The following MEI4 variants were observed in gnomAD, a reference collection of about 807,000 sequenced individuals.
The protein encoded by MEI4 is meiotic double-stranded break formation protein 4.
MEI4 carries 27 observed loss-of-function variants against 31.4 expected under a neutral mutation model. That is an observed-to-expected ratio of 0.86 (90% confidence interval 0.63 to 1.19). The LOEUF is 1.19. Among genes scored for constraint, MEI4 ranks in the 50% most tolerant of loss-of-function variants. The pLI, the probability that MEI4 is intolerant of heterozygous loss-of-function variation, is 0.00. For synonymous variants in MEI4, 122 were observed against 145.4 expected (o/e 0.84, Z 1.16); for missense variants, 329 against 398.9 (o/e 0.82, Z 1.49).
At chr6:77,685,526 TTGCTG>T in intron 1 of MEI4, among the ~76,000 whole-genome samples, 1 of 152,212 alleles carries the variant, frequency 6.6e-6, no homozygotes, top group East Asian at 1.9e-4. Flanking sequence ...ATTGTTTCCT[TTGCTG>T]TGCAGAAGCA....
intron 4 of MEI4, among the ~76,000 whole-genome samples, chr6:77,918,706 A>T (rs915911510): frequency 1.3e-5 from 2 of 151,904 alleles, no homozygotes; most frequent in Non-Finnish European, 2.9e-5. Context: ...CAATCATGTC[A>T]TCTGCAAACA....
At chr6:77,920,450 T>G (rs1365452246) in intron 4 of MEI4, among the ~76,000 whole-genome samples, 2 of 151,936 alleles carry the variant, frequency 1.3e-5, no homozygotes, top group African/African-American at 2.4e-5. Context: ...CTTGCTATTT[T>G]CACCGCATCT....
intron 3 of MEI4, among the ~76,000 whole-genome samples, chr6:77,786,564 TA>T (rs1389536304): frequency 1.3e-5 from 2 of 152,070 alleles, no homozygotes; most frequent in Non-Finnish European, 2.9e-5. Flanking sequence ...CTAGGAAATG[TA>T]ATAAGACGGG....
chr6:77,696,292 C>G (rs1042994392), intron 2 of MEI4, among the ~76,000 whole-genome samples: 6 of 152,190 alleles, frequency 3.9e-5, no homozygotes, highest in African/African-American at 1.2e-4. Context: ...ACAGAACTTC[C>G]AACACTATGT....
In MEI4 at chr6:77,925,054, C is replaced by A. The variant is rs1442449749; in HGVS notation, c.*1708C>A. 1 of 151,832 alleles carries A rather than the reference C, an allele frequency of 6.6e-6. No homozygotes were observed. Among genetic ancestry groups the A allele is most frequent in the African/African-American group, 2.4e-5 (1 of 41,378 alleles). The allele number at this position is 151,832 out of a possible 1,614,324, so 9.4% of individuals were successfully genotyped here. A position where few individuals can be genotyped will look rare whatever the true frequency, so the allele number is the denominator to read the frequency against. ...AGTTGATATAGCATTACACAAAATC[C>A]ACTTTCCATGACACCTTCATCTTCT... On this transcript the variant is annotated 3_prime_UTR_variant, in exon 5 of 5. Coordinates refer to ENST00000684080, the MANE Select transcript of MEI4 (RefSeq NM_001322247.2).
chr6:77,842,389 G>T (rs1373252373), intron 4 of MEI4, among the ~76,000 whole-genome samples: 1 of 152,062 alleles, frequency 6.6e-6, no homozygotes, highest in East Asian at 1.9e-4. Context: ...TTTATGAGAT[G>T]CATTTTGTAA....
chr6:77,753,233 A>C (rs1017440429), intron 2 of MEI4, among the ~76,000 whole-genome samples: 2 of 152,206 alleles, frequency 1.3e-5, no homozygotes, highest in Non-Finnish European at 2.9e-5. Flanking sequence ...AATGGCAACA[A>C]AAGCCAAAAT....
intron 2 of MEI4, among the ~76,000 whole-genome samples, chr6:77,710,781 G>A (rs1419769164): frequency 6.6e-6 from 1 of 151,892 alleles, no homozygotes; most frequent in Non-Finnish European, 1.5e-5. Context: ...GAATATCTAG[G>A]GTCTGGACTG....
At chr6:77,916,288 A>C (rs1444853009) in intron 4 of MEI4, among the ~76,000 whole-genome samples, 1 of 151,970 alleles carries the variant, frequency 6.6e-6, no homozygotes, top group African/African-American at 2.4e-5. Context: ...GTTGCTGGAG[A>C]ATTACTGTGT....
intron 2 of MEI4, among the ~76,000 whole-genome samples, chr6:77,700,544 G>A (rs539736940): frequency 3.9e-5 from 6 of 152,280 alleles, no homozygotes; most frequent in South Asian, 2.1e-4. Flanking sequence ...TGCGCTTCCC[G>A]AGTGAGGCAG....
In MEI4 at chr6:77,925,783, T is replaced by G. The variant is rs183860273; in HGVS notation, c.*2437T>G. ...AATAAATATATGATAATATATTTTA[T>G]ATGAGAGTAAATATATATTAAATAT... On this transcript the variant is annotated 3_prime_UTR_variant, in exon 5 of 5. Coordinates refer to ENST00000684080, the MANE Select transcript of MEI4 (RefSeq NM_001322247.2). 0.042 allele frequency: 6,204 copies of G among 148,086 alleles called. 421 individuals are homozygous for G. Among genetic ancestry groups the G allele is most frequent in the African/African-American group, 0.14 (5,810 of 40,730 alleles). 9.2% of individuals were successfully genotyped at this position (148,086 alleles called of 1,614,324 possible). A position where few individuals can be genotyped will look rare whatever the true frequency, so the allele number is the denominator to read the frequency against.
At chr6:77,878,858 A>C (rs1771409483) in intron 4 of MEI4, among the ~76,000 whole-genome samples, 1 of 152,156 alleles carries the variant, frequency 6.6e-6, no homozygotes, top group African/African-American at 2.4e-5. Flanking sequence ...TTTAAAATTT[A>C]ATCTGTAATC....
intron 4 of MEI4, among the ~76,000 whole-genome samples, chr6:77,853,163 A>G (rs1026844341): frequency 3.3e-5 from 5 of 152,104 alleles, no homozygotes; most frequent in Admixed American, 3.3e-4. Flanking sequence ...GCCCTATTGC[A>G]CTCCAGCCCT....
At chr6:77,779,860 C>T (rs978578979) in intron 3 of MEI4, among the ~76,000 whole-genome samples, 4 of 152,036 alleles carry the variant, frequency 2.6e-5, no homozygotes, top group African/African-American at 9.7e-5. Flanking sequence ...ACTATTTTTC[C>T]TGATGAGAAA....
chr6:77,734,239 C>T (rs143812501), intron 2 of MEI4, among the ~76,000 whole-genome samples: 6 of 151,952 alleles, frequency 3.9e-5, no homozygotes, highest in Non-Finnish European at 5.9e-5. Context: ...TTAACATCTC[C>T]CATTATTAAT....
intron 1 of MEI4, among the ~76,000 whole-genome samples, chr6:77,672,131 G>T (rs1048762539): frequency 6.6e-6 from 1 of 152,136 alleles, no homozygotes; most frequent in South Asian, 2.1e-4. Flanking sequence ...GAAGAGGAAA[G>T]AATTTTCTCA....
Position 77,874,792 on chromosome 6 carries a change from T to A in MEI4, c.900+45730T>A, listed in dbSNP as rs930081186. Among the ~76,000 whole-genome samples, 3 of 152,186 alleles carry A rather than the reference T, an allele frequency of 2.0e-5. No individual in the cohort carries two copies. In the East Asian group the frequency reaches 5.8e-4, roughly 29 times the overall value. On this transcript the variant is annotated intron_variant, in intron 4 of 4. Transcript: ENST00000684080. ...TGAGATATGTCCCATCAGTACCTAA[T>A]TTGTTGAGAGTTTTTAGCATGAAGA... is the stretch of plus-strand genomic sequence containing the variant.
chr6:77,919,918 C>G lies in MEI4; in HGVS notation c.901-3171C>G, dbSNP rs541158735. ...ATCTAGAAGAAATGGATAAATTCCT[C>G]GACACATACACTCTCCCAAGACTGA... On this transcript the variant is annotated intron_variant, in intron 4 of 4. Coordinates refer to ENST00000684080, the MANE Select transcript of MEI4 (RefSeq NM_001322247.2). Among the ~76,000 whole-genome samples, 760 of 148,156 alleles carry G rather than the reference C, an allele frequency of 5.1e-3. 6 individuals are homozygous for G. The highest frequency in any genetic ancestry group is 0.014 in the African/African-American group (573 of 40,356).
intron 1 of MEI4, among the ~76,000 whole-genome samples, chr6:77,677,253 G>GC (rs1768861436): frequency 6.6e-6 from 1 of 152,130 alleles, no homozygotes. Context: ...AGCTTCAACT[G>GC]CCACCTGCAT....
Sources: gnomAD v4.1 joint callset for allele counts (sites outside exome capture counted in the v4.1 genomes callset) on GRCh38, gnomAD v4.1.1 for gene constraint, MANE v1.5 for transcripts, NCBI Gene and HGNC (gene_info 2026-07-23, HGNC 2026-07-21) for gene names.